The following TNS3 variants were observed in gnomAD, a reference collection of about 807,000 sequenced individuals.
TNS3 encodes the protein tensin-3.
Under a neutral mutation model 140.9 loss-of-function variants are expected in TNS3, and 45 were observed. The ratio of observed to expected loss-of-function variants is 0.32; its 90% confidence interval spans 0.25 to 0.41. The LOEUF is 0.41. Among genes scored for constraint, TNS3 ranks in the 10% least tolerant of loss-of-function variants. TNS3 has a pLI of 1.00. For synonymous variants in TNS3, 815 were observed against 788.4 expected, an observed-to-expected ratio of 1.03 and a Z score of -0.56; for missense variants, 1,716 against 1,906.7, an observed-to-expected ratio of 0.90 and a Z score of 1.86.
At chr7:47,374,322 T>G (rs1791252464) in intron 16 of TNS3, among the ~76,000 whole-genome samples, 1 of 152,160 alleles carries the variant, frequency 6.6e-6, no homozygotes, top group African/African-American at 2.4e-5. Context: ...CTATCTGCCA[T>G]TTCCAGTCTC....
At chr7:47,391,892 G>T (rs1401079076) in intron 16 of TNS3, among the ~76,000 whole-genome samples, 1 of 152,136 alleles carries the variant, frequency 6.6e-6, no homozygotes, top group African/African-American at 2.4e-5. Flanking sequence ...AAAGAGGAAA[G>T]TCAAGGGTAT....
At chr7:47,332,679 C>T (rs571561943) in intron 20 of TNS3, among the ~76,000 whole-genome samples, 2 of 152,388 alleles carry the variant, frequency 1.3e-5, no homozygotes, top group Admixed American at 6.5e-5. Flanking sequence ...TTTTGTTACA[C>T]TACCGTATTC....
chr7:47,303,736 A>G, intron 21 of TNS3, 152 bp from the exon 22 acceptor site: 1 of 880,680 alleles, frequency 1.1e-6, no homozygotes, highest in Admixed American at 2.9e-5. Flanking sequence ...AAATATGTAC[A>G]CTAAGGCCCT....
intron 1 of TNS3, among the ~76,000 whole-genome samples, chr7:47,530,838 A>AAAAAAAAAAAAAATAT: frequency 3.7e-5 from 2 of 54,566 alleles, no homozygotes; most frequent in African/African-American, 1.6e-4. Flanking sequence ...AAAAAAAAAA[A>AAAAAAAAAAAAAATAT]ATATATATAT....
chr7:47,557,332 A>C (rs604587), intron 1 of TNS3, among the ~76,000 whole-genome samples: 1 of 152,184 alleles, frequency 6.6e-6, no homozygotes, highest in South Asian at 2.1e-4. Flanking sequence ...CTTCCACCAG[A>C]ACCATCAAAC....
intron 20 of TNS3, among the ~76,000 whole-genome samples, chr7:47,335,458 T>C (rs940731107): frequency 2.0e-5 from 3 of 152,256 alleles, no homozygotes; most frequent in African/African-American, 4.8e-5. Flanking sequence ...ATGCATAATG[T>C]GAGCAGATAT....
intron 19 of TNS3, 23 bp from the exon 20 acceptor site, chr7:47,344,861 G>A (rs777045270): frequency 6.2e-7 from 1 of 1,613,764 alleles, no homozygotes; most frequent in Admixed American, 1.7e-5. Context: ...GCAGAGCAAG[G>A]GGCTGTTGTC....
At chr7:47,293,395 A>G (rs765521988) in intron 25 of TNS3, among the ~76,000 whole-genome samples, 40 of 152,258 alleles carry the variant, frequency 2.6e-4, no homozygotes, top group Non-Finnish European at 2.2e-4. Flanking sequence ...TGGGAGCTCT[A>G]TGTTGTTCCT....
At chr7:47,354,995 G>A (rs1465803127) in intron 17 of TNS3, among the ~76,000 whole-genome samples, 2 of 152,000 alleles carry the variant, frequency 1.3e-5, no homozygotes, top group Non-Finnish European at 2.9e-5. Flanking sequence ...CGGGAACCAC[G>A]TGACCTTGAG....
At chr7:47,557,234 C>A in intron 1 of TNS3, 1 of 426,280 alleles carries the variant, frequency 2.3e-6, no homozygotes, top group Admixed American at 2.5e-5. Flanking sequence ...AAGGGAGAGG[C>A]TGACTTTTCG....
At chr7:47,284,642 C>T (rs1785318682) in intron 27 of TNS3, among the ~76,000 whole-genome samples, 1 of 152,216 alleles carries the variant, frequency 6.6e-6, no homozygotes, top group Admixed American at 6.5e-5. Context: ...TGAAGTAAAC[C>T]AGGGCCTCTC....
At chr7:47,313,060 G>A (rs1421290501) in intron 20 of TNS3, among the ~76,000 whole-genome samples, 1 of 152,150 alleles carries the variant, frequency 6.6e-6, no homozygotes, top group Non-Finnish European at 1.5e-5. Context: ...ACTGCATGGA[G>A]GAACATGTGA....
rs747872185 is a variant in TNS3, at chr7:47,344,760, C to A, written c.2645G>T (p.Gly882Val). ...LSSPASQHKG[G>V]REPRSCPETL... ...CCCGCGGGTAGATTTCTTACCACGTCCTCCTTTGTGCTGACTGGCTGGGCT... is the reference window on the plus strand; with the variant it reads ...CCCGCGGGTAGATTTCTTACCACGTACTCCTTTGTGCTGACTGGCTGGGCT... Residue 882 changes from glycine to valine, a missense_variant, in exon 20 of 31, where the codon GGA becomes GTA. By Grantham distance (109) the Gly-to-Val change is moderately radical. This residue lies in a region of TNS3 where 1,163 missense variants were observed against 1,182.1 expected (regional missense o/e 0.98). Coordinates refer to ENST00000311160, the MANE Select transcript of TNS3 (RefSeq NM_022748.12). 5 of 1,611,486 alleles carry A rather than the reference C, an allele frequency of 3.1e-6. No homozygotes were observed. The highest frequency in any genetic ancestry group is 4.2e-6 in the Non-Finnish European group (5 of 1,179,128).
chr7:47,300,586 G>A lies in TNS3; in HGVS notation c.3544+1600C>T, dbSNP rs188231483. Among the ~76,000 whole-genome samples the A allele has an allele frequency of 9.8e-4, 150 of 152,358 alleles. 1 individual carries two copies. Among genetic ancestry groups the A allele is most frequent in the African/African-American group, 3.5e-3 (146 of 41,584 alleles). ...AGTGCACTCCAACCCAAATCTGTCT[G>A]TTTCAGATCCCCCCTGCTACAATGA... On this transcript the variant is annotated intron_variant, in intron 23 of 30. Coordinates refer to ENST00000311160, the MANE Select transcript of TNS3 (RefSeq NM_022748.12).
At position 47,366,119 on chromosome 7, in the gene TNS3, T is replaced by C. The variant is rs1037070130; in HGVS notation, c.2281+2246A>G. On this transcript the variant is annotated intron_variant, in intron 17 of 30. Transcript: ENST00000311160. ...TCCAAGTAACTTCTTTTAAGAAGGT[T>C]TGGTGAAGTAAGTCAGGTATGATAC... 5.3e-5 allele frequency among the ~76,000 whole-genome samples: 8 copies of C among 152,290 alleles called. No individual in the cohort carries two copies. In the East Asian group the frequency reaches 1.5e-3, roughly 29 times the overall value.
chr7:47,570,814 T>G (rs1014722770), intron 1 of TNS3, among the ~76,000 whole-genome samples: 1 of 151,944 alleles, frequency 6.6e-6, no homozygotes, highest in Non-Finnish European at 1.5e-5. Flanking sequence ...CTCTTATCAT[T>G]TTTTTTCTTT....
chr7:47,489,292 T>G (rs1797726744), intron 3 of TNS3, among the ~76,000 whole-genome samples: 1 of 152,168 alleles, frequency 6.6e-6, no homozygotes, highest in Non-Finnish European at 1.5e-5. Flanking sequence ...AAGCAGCTAG[T>G]GAAGATCATG....
chr7:47,496,959 G>A (rs934694668), intron 3 of TNS3, among the ~76,000 whole-genome samples: 1 of 152,134 alleles, frequency 6.6e-6, no homozygotes, highest in Non-Finnish European at 1.5e-5. Flanking sequence ...CAGAACCAAG[G>A]CAGCATCGAG....
At chr7:47,429,630 G>A (rs937666858) in intron 8 of TNS3, among the ~76,000 whole-genome samples, 2 of 152,004 alleles carry the variant, frequency 1.3e-5, no homozygotes, top group African/African-American at 4.8e-5. Flanking sequence ...GCCTCCCAAA[G>A]TGCTGGGACT....
Sources: allele counts gnomAD v4.1 joint callset (sites outside exome capture counted in the v4.1 genomes callset), GRCh38; gene constraint gnomAD v4.1.1; regional missense constraint gnomAD v4.1.1; transcripts MANE v1.5; gene names NCBI Gene and HGNC (gene_info 2026-07-23, HGNC 2026-07-21).